Variants in TCF12 observed in about 807,000 individuals in gnomAD.
The protein encoded by TCF12 is DNA-binding protein HTF4.
TCF12 carries 45 observed loss-of-function variants against 86.0 expected under a neutral mutation model. The ratio of observed to expected loss-of-function variants is 0.52; its 90% CI spans 0.41 to 0.67. TCF12 has a LOEUF of 0.67. Ranked by LOEUF, TCF12 falls within the 30% of genes least tolerant of loss-of-function variation. TCF12 has a pLI of 0.00. For synonymous variants in TCF12, 330 were observed against 299.6 expected (o/e 1.10, Z -1.05); for missense variants, 881 against 859.9 (o/e 1.02, Z -0.31).
At chr15:57,199,557 GA>G (rs1314455826) in intron 8 of TCF12, among the ~76,000 whole-genome samples, 2 of 152,158 alleles carry the variant, frequency 1.3e-5, no homozygotes, top group African/African-American at 2.4e-5. Flanking sequence ...AGGCAAAATG[GA>G]CAGAACAGTC....
chr15:57,234,120 T>G lies in TCF12; in HGVS notation c.1035+13T>G. 6.2e-7 allele frequency: 1 copy of G among 1,609,292 alleles called. No homozygotes were observed. Among genetic ancestry groups the G allele is most frequent in the Non-Finnish European group, 8.5e-7 (1 of 1,175,828 alleles). On this transcript the variant is annotated intron_variant, in intron 12 of 20. Transcript: ENST00000333725. ...GGCTTTGGCATCTGTGAGTATTGAT[T>G]TTACACATTCTACTGAATGAATTTT... is the stretch of plus-strand genomic sequence containing the variant.
intron 4 of TCF12, among the ~76,000 whole-genome samples, chr15:57,075,681 T>C (rs2069827930): frequency 1.3e-5 from 2 of 152,160 alleles, no homozygotes; most frequent in South Asian, 2.1e-4. Context: ...GAACAGGGAA[T>C]TTAAGCCTGA....
At chr15:57,259,118 T>C (rs2152043980) in intron 16 of TCF12, among the ~76,000 whole-genome samples, 1 of 152,312 alleles carries the variant, frequency 6.6e-6, no homozygotes. Flanking sequence ...ATTATAGTGC[T>C]TTTTTAAGGG....
intron 7 of TCF12, among the ~76,000 whole-genome samples, chr15:57,197,215 AGT>A (rs2057314515): frequency 7.4e-6 from 1 of 135,026 alleles, no homozygotes; most frequent in Non-Finnish European, 1.5e-5. Flanking sequence ...GGAGTACAGT[AGT>A]GCCATCTTGG....
At chr15:57,130,960 A>T (rs2052068317) in intron 5 of TCF12, among the ~76,000 whole-genome samples, 1 of 152,354 alleles carries the variant, frequency 6.6e-6, no homozygotes, top group African/African-American at 2.4e-5. Flanking sequence ...ATCTGACTCC[A>T]GAGCTCACCT....
chr15:57,048,395 G>T (rs1453175249), intron 3 of TCF12, among the ~76,000 whole-genome samples: 3 of 152,078 alleles, frequency 2.0e-5, no homozygotes, highest in Non-Finnish European at 4.4e-5. Flanking sequence ...ACAAGTAGCT[G>T]GGACTACAGG....
intron 8 of TCF12, among the ~76,000 whole-genome samples, chr15:57,222,794 T>C (rs999337241): frequency 1.2e-5 from 1 of 84,662 alleles, no homozygotes; most frequent in African/African-American, 3.9e-5. Context: ...TTTTTTTTTT[T>C]ACTTTTAAGA....
intron 8 of TCF12, among the ~76,000 whole-genome samples, chr15:57,200,872 A>T (rs559232228): frequency 6.6e-6 from 1 of 152,352 alleles, no homozygotes; most frequent in Non-Finnish European, 1.5e-5. Flanking sequence ...CAGTATAGTC[A>T]GTAACATTAA....
At chr15:57,075,794 CTT>C (rs1491144559) in intron 4 of TCF12, among the ~76,000 whole-genome samples, 1,015 of 67,024 alleles carry the variant, frequency 0.015, 9 homozygotes, top group Admixed American at 0.04. Context: ...TTCTTTCTTT[CTT>C]TCTTTCTTTC....
intron 3 of TCF12, among the ~76,000 whole-genome samples, chr15:56,964,104 A>G (rs1464029405): frequency 6.6e-6 from 1 of 152,194 alleles, no homozygotes; most frequent in Non-Finnish European, 1.5e-5. Context: ...CCTCAGTGCT[A>G]ATTTTCCTTC....
intron 3 of TCF12, among the ~76,000 whole-genome samples, chr15:57,042,386 T>C (rs2066953767): frequency 6.6e-6 from 1 of 152,146 alleles, no homozygotes; most frequent in Non-Finnish European, 1.5e-5. Context: ...TGGGCATCAC[T>C]TTTTGGTATA....
intron 13 of TCF12, among the ~76,000 whole-genome samples, chr15:57,250,589 C>G (rs745657203): frequency 6.6e-6 from 1 of 151,952 alleles, no homozygotes; most frequent in South Asian, 2.1e-4. Context: ...ATTAGCTTGG[C>G]GTGGTGGTGT....
chr15:57,109,768 A>T (rs1009019702), intron 5 of TCF12, among the ~76,000 whole-genome samples: 1 of 152,224 alleles, frequency 6.6e-6, no homozygotes, highest in Admixed American at 6.5e-5. Context: ...AGGGATTTTT[A>T]AAATGTCATT....
chr15:56,925,943 A>G (rs2059992271), intron 3 of TCF12, among the ~76,000 whole-genome samples: 1 of 152,208 alleles, frequency 6.6e-6, no homozygotes, highest in African/African-American at 2.4e-5. Context: ...TCAGTTAACT[A>G]TTTAGTATTT....
chr15:57,083,137 A>G (rs987557264), intron 4 of TCF12, among the ~76,000 whole-genome samples: 1 of 152,216 alleles, frequency 6.6e-6, no homozygotes, highest in Non-Finnish European at 1.5e-5. Context: ...GTAATGTGTG[A>G]AAATGATAAA....
intron 3 of TCF12, among the ~76,000 whole-genome samples, chr15:56,948,935 C>CT (rs1220897136): frequency 6.6e-6 from 1 of 152,146 alleles, no homozygotes; most frequent in Non-Finnish European, 1.5e-5. Context: ...ATCAGATTAC[C>CT]TTTAAGTTAA....
chr15:57,027,390 C>A (rs1446388421), intron 3 of TCF12, among the ~76,000 whole-genome samples: 1 of 152,198 alleles, frequency 6.6e-6, no homozygotes, highest in African/African-American at 2.4e-5. Context: ...CAAGTTGTTG[C>A]ATGCATCAGA....
intron 8 of TCF12, among the ~76,000 whole-genome samples, chr15:57,205,645 G>A (rs113809836): frequency 6.2e-4 from 95 of 152,336 alleles, no homozygotes; most frequent in African/African-American, 1.8e-3. Flanking sequence ...TGTAAAGTAC[G>A]TAAGTGGATT....
intron 4 of TCF12, among the ~76,000 whole-genome samples, chr15:57,086,765 TA>T (rs1268795252): frequency 2.7e-5 from 4 of 149,970 alleles, no homozygotes; most frequent in Non-Finnish European, 4.4e-5. Context: ...AATAGAATTT[TA>T]AAAACAGTGG....
Sources: allele counts gnomAD v4.1 joint callset (sites outside exome capture counted in the v4.1 genomes callset), GRCh38; gene constraint gnomAD v4.1.1; transcripts MANE v1.5; gene names NCBI Gene and HGNC (gene_info 2026-07-23, HGNC 2026-07-21).